The following AOPEP variants were observed in gnomAD, a reference collection of about 807,000 sequenced individuals.
AOPEP encodes aminopeptidase O (putative).
A neutral mutation model predicts 98.1 loss-of-function variants in AOPEP; 77 were observed. The observed-to-expected ratio is 0.78, with a 90% CI of 0.65 to 0.95. The LOEUF (loss-of-function observed/expected upper bound fraction) is 0.95. Among genes scored for constraint, AOPEP ranks in the 40% least tolerant of loss-of-function variants. The pLI is 0.00. For missense variants in AOPEP, 1,024 were observed against 1,024.7 expected, an observed-to-expected ratio of 1.00 and a Z score of 0.01; for synonymous variants, 346 against 365.3, an observed-to-expected ratio of 0.95 and a Z score of 0.60.
intron 10 of AOPEP, among the ~76,000 whole-genome samples, chr9:94,978,009 G>T (rs919767402): frequency 6.6e-6 from 1 of 152,106 alleles, no homozygotes; most frequent in Admixed American, 6.5e-5. Context: ...GCGACCAATA[G>T]GGGGAAAGAA....
In AOPEP at chr9:94,972,087, A is replaced by T. The variant is rs1003405112; in HGVS notation, c.1916+4286A>T. On this transcript the variant is annotated intron_variant, in intron 10 of 16. Transcript: ENST00000375315. This position sits in a 1 kb window ranked among gnomAD's most constrained non-coding sequence, Gnocchi z 4.2. ...ACCAATAGAGCGGTTCAGTCAAGAG[A>T]CCTGGAGAGGTGGAGCTATGGCAGG... Among the ~76,000 whole-genome samples, 2 of 152,172 alleles carry T rather than the reference A, an allele frequency of 1.3e-5. No individual in the cohort carries two copies. Among genetic ancestry groups the T allele is most frequent in the Non-Finnish European group, 2.9e-5 (2 of 68,038 alleles).
intron 7 of AOPEP, among the ~76,000 whole-genome samples, chr9:94,946,096 C>A (rs914928521): frequency 2.6e-5 from 4 of 152,126 alleles, no homozygotes; most frequent in Non-Finnish European, 5.9e-5. Context: ...GGATCCTATA[C>A]TCAAAAAGTT....
intron 5 of AOPEP, among the ~76,000 whole-genome samples, chr9:94,919,722 G>A (rs1388019604): frequency 6.6e-6 from 1 of 152,070 alleles, no homozygotes; most frequent in Non-Finnish European, 1.5e-5. Flanking sequence ...GCTACTACGA[G>A]TCTACGGTTT....
intron 13 of AOPEP, among the ~76,000 whole-genome samples, chr9:95,056,053 C>T (rs1161139799): frequency 2.0e-5 from 3 of 152,108 alleles, no homozygotes; most frequent in East Asian, 1.9e-4. Flanking sequence ...AGGGGGAGGC[C>T]GTGGCTGTAA....
chr9:95,116,542 G>A, the AOPEP span, among the ~76,000 whole-genome samples: 1 of 152,232 alleles, frequency 6.6e-6, no homozygotes, highest in African/African-American at 2.4e-5. Flanking sequence ...AAGGAAATGT[G>A]ACTGGCTCGT....
At chr9:94,976,602 T>C (rs2059857348) in intron 10 of AOPEP, among the ~76,000 whole-genome samples, 1 of 152,110 alleles carries the variant, frequency 6.6e-6, no homozygotes, top group Non-Finnish European at 1.5e-5. Context: ...ATCTTCCTCT[T>C]AAATATCTTA....
At chr9:94,985,506 T>C (rs1429573558) in intron 11 of AOPEP, among the ~76,000 whole-genome samples, 2 of 152,202 alleles carry the variant, frequency 1.3e-5, no homozygotes, top group East Asian at 3.8e-4. Context: ...ATAGCACATA[T>C]TATGCAGTAT....
intron 5 of AOPEP, among the ~76,000 whole-genome samples, chr9:94,811,090 C>G (rs1187567194): frequency 6.6e-6 from 1 of 152,168 alleles, no homozygotes; most frequent in Non-Finnish European, 1.5e-5. Flanking sequence ...GTTGCACATA[C>G]ATATGTTTGA....
Position 94,955,882 on chromosome 9 carries a change from TTCTC to T in AOPEP, c.1765-20_1765-17del, listed in dbSNP as rs757991418. On this transcript the variant is annotated intron_variant, in intron 8 of 16. Coordinates refer to ENST00000375315, the MANE Select transcript of AOPEP (RefSeq NM_001193329.3). ...TTATGAACTCATGGTAGGCCTCTTT[TTCTC>T]TCTCTTTTTTCTTTCTTCTAGGGCT... The T allele has an allele frequency of 2.0e-6, 3 of 1,536,794 alleles. No homozygotes were observed. In the South Asian group the frequency reaches 3.4e-5, roughly 17 times the overall value.
At chr9:94,774,772 C>T (rs1168518911) in intron 3 of AOPEP, among the ~76,000 whole-genome samples, 2 of 152,044 alleles carry the variant, frequency 1.3e-5, no homozygotes, top group Admixed American at 6.6e-5. Context: ...GGTACATATC[C>T]CATAATGTTT....
intron 5 of AOPEP, among the ~76,000 whole-genome samples, chr9:94,896,907 TG>T (rs1397020900): frequency 7.2e-5 from 6 of 83,808 alleles, no homozygotes; most frequent in South Asian, 1.3e-3. Context: ...TCAACTTTTG[TG>T]GGTTTTTTTT....
downstream of AOPEP, among the ~76,000 whole-genome samples, chr9:95,089,644 C>G (rs1268288736): frequency 6.6e-6 from 1 of 152,236 alleles, no homozygotes; most frequent in East Asian, 1.9e-4. Context: ...AGAGGCCCCC[C>G]TGGGCCTTCA....
chr9:95,126,069 G>T, the AOPEP span, among the ~76,000 whole-genome samples: 1 of 152,214 alleles, frequency 6.6e-6, no homozygotes, highest in Admixed American at 6.5e-5. Flanking sequence ...GTAATGTGTT[G>T]TAAGAGAACA....
intron 10 of AOPEP, among the ~76,000 whole-genome samples, chr9:94,973,064 G>A (rs1357601748): frequency 6.6e-6 from 1 of 152,194 alleles, no homozygotes; most frequent in East Asian, 1.9e-4. Flanking sequence ...TTCCAGAAAA[G>A]GGCATTTTCC....
chr9:94,996,832 A>C (rs1461429243), intron 11 of AOPEP, among the ~76,000 whole-genome samples: 1 of 152,232 alleles, frequency 6.6e-6, no homozygotes, highest in African/African-American at 2.4e-5. Flanking sequence ...GTTAGAGCAC[A>C]GTGCTCAAGA....
intron 6 of AOPEP, among the ~76,000 whole-genome samples, chr9:94,925,034 C>T (rs2136876989): frequency 6.6e-6 from 1 of 152,326 alleles, no homozygotes; most frequent in South Asian, 2.1e-4. Context: ...CTCTGTCGCC[C>T]AGGCTGGAGT....
intron 10 of AOPEP, among the ~76,000 whole-genome samples, chr9:94,970,825 G>A (rs73657019): frequency 0.016 from 2,408 of 151,778 alleles, 67 homozygotes; most frequent in African/African-American, 0.055. Flanking sequence ...TACCTACCCC[G>A]GAATAACTTT....
chr9:94,977,364 ACT>A (rs1455737201), intron 10 of AOPEP, among the ~76,000 whole-genome samples: 1 of 151,320 alleles, frequency 6.6e-6, no homozygotes, highest in Non-Finnish European at 1.5e-5. Context: ...CTTCTGCAGT[ACT>A]CTATGTCACC....
chr9:95,034,892 T>C (rs576322402), intron 13 of AOPEP, among the ~76,000 whole-genome samples: 1 of 152,322 alleles, frequency 6.6e-6, no homozygotes, highest in East Asian at 1.9e-4. Context: ...GGTTTTGTTA[T>C]GAACTTGGGA....
Sources: gnomAD v4.1 joint callset for allele counts (sites outside exome capture counted in the v4.1 genomes callset) on GRCh38, gnomAD v4.1.1 for gene constraint, Gnocchi (gnomAD v3.1) non-coding constraint, MANE v1.5 for transcripts, NCBI Gene and HGNC (gene_info 2026-07-23, HGNC 2026-07-21) for gene names.